TAFA5: variants seen among roughly 807,000 people sequenced by gnomAD.
TAFA5 encodes the protein chemokine-like protein TAFA-5.
A neutral mutation model predicts 15.3 loss-of-function variants in TAFA5; 6 were observed. The ratio of observed to expected loss-of-function variants is 0.39; its 90% CI spans 0.21 to 0.77. The LOEUF is 0.77. Ranked by LOEUF, TAFA5 falls within the 30% of genes least tolerant of loss-of-function variation. TAFA5 has a pLI of 0.41. For synonymous variants in TAFA5, 103 were observed against 80.7 expected, an observed-to-expected ratio of 1.28 and a Z score of -1.48; for missense variants, 161 against 193.1, an observed-to-expected ratio of 0.83 and a Z score of 0.98.
At chr22:48,747,055 G>A (rs1930349531) in intron 3 of TAFA5, among the ~76,000 whole-genome samples, 1 of 152,196 alleles carries the variant, frequency 6.6e-6, no homozygotes, top group African/African-American at 2.4e-5. Context: ...GCGGAGGGCA[G>A]GGGAGTGGAC....
chr22:48,496,070 G>A (rs1928313777), intron 1 of TAFA5, among the ~76,000 whole-genome samples: 1 of 152,226 alleles, frequency 6.6e-6, no homozygotes, highest in African/African-American at 2.4e-5. Flanking sequence ...GATGCAGGAA[G>A]GCATGGTGAG....
At chr22:48,504,269 C>T (rs1336328009) in intron 1 of TAFA5, among the ~76,000 whole-genome samples, 1 of 152,180 alleles carries the variant, frequency 6.6e-6, no homozygotes, top group Non-Finnish European at 1.5e-5. Context: ...AGCACTTTAT[C>T]TTAGGTGCAT....
chr22:48,713,846 C>G (rs1383433901), intron 3 of TAFA5, among the ~76,000 whole-genome samples: 1 of 152,202 alleles, frequency 6.6e-6, no homozygotes, highest in South Asian at 2.1e-4. Context: ...GTAGCAAGCT[C>G]AAACCGTGAG....
chr22:48,546,658 C>T (rs1424927700), intron 1 of TAFA5: 2 of 465,322 alleles, frequency 4.3e-6, no homozygotes, highest in African/African-American at 2.0e-5. Context: ...CCTCCTACTT[C>T]CCATCTGTGA....
At position 48,721,891 on chromosome 22, in the gene TAFA5, C is replaced by T. The variant is rs7288424; in HGVS notation, c.390+14047C>T. On this transcript the variant is annotated intron_variant, in intron 3 of 3. Coordinates refer to ENST00000402357, the MANE Select transcript of TAFA5 (RefSeq NM_001082967.3). ...GGCTGAGGCAGGAGAATCGCTTGAT[C>T]GCTTGAACCTAGGAGGCGGAGGCTG... Among the ~76,000 whole-genome samples, 1,211 of 152,196 alleles carry T rather than the reference C, an allele frequency of 8.0e-3. 14 individuals carry two copies. Among genetic ancestry groups the T allele is most frequent in the African/African-American group, 0.026 (1,096 of 41,522 alleles).
At chr22:48,685,888 G>A (rs1315972117) in intron 2 of TAFA5, among the ~76,000 whole-genome samples, 1 of 152,150 alleles carries the variant, frequency 6.6e-6, no homozygotes, top group Non-Finnish European at 1.5e-5. Flanking sequence ...GCCTGGAAAT[G>A]CAGATGCCTT....
At chr22:48,592,327 G>A (rs749651521) in intron 1 of TAFA5, among the ~76,000 whole-genome samples, 15 of 152,228 alleles carry the variant, frequency 9.9e-5, no homozygotes, top group Non-Finnish European at 1.6e-4. Flanking sequence ...CCCCTTGCTG[G>A]TGTGTGACCT....
At chr22:48,638,392 CAG>C (rs138542463) in intron 1 of TAFA5, among the ~76,000 whole-genome samples, 6,813 of 77,396 alleles carry the variant, frequency 0.088, 24 homozygotes, top group Non-Finnish European at 0.12. Flanking sequence ...ACACCGCACA[CAG>C]GGGGGACCCC....
intron 2 of TAFA5, among the ~76,000 whole-genome samples, chr22:48,655,448 G>A (rs1927201991): frequency 6.6e-6 from 1 of 152,194 alleles, no homozygotes; most frequent in African/African-American, 2.4e-5. Flanking sequence ...GTGTTCAGTT[G>A]TGTGGTGAGG....
intron 1 of TAFA5, among the ~76,000 whole-genome samples, chr22:48,577,381 G>A (rs1048718081): frequency 1.3e-5 from 2 of 152,162 alleles, no homozygotes; most frequent in African/African-American, 4.8e-5. Context: ...AGGGCTCCCG[G>A]TGCACCCCGG....
intron 2 of TAFA5, among the ~76,000 whole-genome samples, chr22:48,698,877 C>G (rs1421824674): frequency 6.6e-6 from 1 of 151,264 alleles, no homozygotes; most frequent in East Asian, 2.0e-4. Flanking sequence ...AACTGTGCCT[C>G]CTGCTCTACT....
At chr22:48,711,468 G>C (rs1255655803) in intron 3 of TAFA5, among the ~76,000 whole-genome samples, 1 of 152,092 alleles carries the variant, frequency 6.6e-6, no homozygotes, top group Non-Finnish European at 1.5e-5. Flanking sequence ...AACAGCAGGA[G>C]AGCCGGCTCC....
chr22:48,666,693 A>C (rs923967520), intron 2 of TAFA5, among the ~76,000 whole-genome samples: 2 of 152,196 alleles, frequency 1.3e-5, no homozygotes, highest in Non-Finnish European at 2.9e-5. Context: ...TGACAGCGTC[A>C]CACCGGCTAG....
At chr22:48,600,621 C>T (rs1924933760) in intron 1 of TAFA5, among the ~76,000 whole-genome samples, 1 of 152,212 alleles carries the variant, frequency 6.6e-6, no homozygotes, top group Non-Finnish European at 1.5e-5. Context: ...TCTTCCATTT[C>T]ATTTTCTCTG....
intron 3 of TAFA5, among the ~76,000 whole-genome samples, chr22:48,710,050 C>G (rs1461584639): frequency 2.0e-5 from 3 of 152,244 alleles, no homozygotes; most frequent in African/African-American, 7.2e-5. Context: ...CCCCCTCTAC[C>G]TTGCTTCAGG....
At chr22:48,542,025 G>A (rs879519622) in intron 1 of TAFA5, among the ~76,000 whole-genome samples, 7 of 152,130 alleles carry the variant, frequency 4.6e-5, no homozygotes, top group Non-Finnish European at 7.4e-5. Flanking sequence ...CTTGTCACCC[G>A]GGTGTTCAGA....
chr22:48,666,036 G>A (rs1927598021), intron 2 of TAFA5, among the ~76,000 whole-genome samples: 1 of 152,214 alleles, frequency 6.6e-6, no homozygotes, highest in Non-Finnish European at 1.5e-5. Flanking sequence ...AGGAGGGTGG[G>A]GACTGGGAGA....
At chr22:48,644,234 G>A (rs115226752) in intron 1 of TAFA5, among the ~76,000 whole-genome samples, 1,789 of 152,312 alleles carry the variant, frequency 0.012, 37 homozygotes, top group African/African-American at 0.041. Context: ...GGCCCCGAGC[G>A]GGGGACCAGG....
chr22:48,654,552 G>A (rs1299247195), intron 2 of TAFA5, among the ~76,000 whole-genome samples: 1 of 152,238 alleles, frequency 6.6e-6, no homozygotes, highest in Non-Finnish European at 1.5e-5. Context: ...GGGACCCCAG[G>A]CTGTGCTGCC....
Sources: allele counts gnomAD v4.1 joint callset (sites outside exome capture counted in the v4.1 genomes callset), GRCh38; gene constraint gnomAD v4.1.1; transcripts MANE v1.5; gene names NCBI Gene and HGNC (gene_info 2026-07-23, HGNC 2026-07-21).